Variants in MYCBP2 observed in about 807,000 individuals in gnomAD.
MYCBP2 encodes MYC binding protein 2.
In MYCBP2, 120 loss-of-function variants were observed where a neutral mutation model predicts 525.3. The ratio of observed to expected loss-of-function variants is 0.23; its 90% CI spans 0.20 to 0.27. The LOEUF (loss-of-function observed/expected upper bound fraction) is 0.27. Ranked by LOEUF, MYCBP2 falls within the 10% of genes least tolerant of loss-of-function variation. MYCBP2 has a pLI of 1.00. For synonymous variants in MYCBP2, 1,894 were observed against 1,955.8 expected, an observed-to-expected ratio of 0.97 and a Z score of 0.83; for missense variants, 4,149 against 5,657.1, an observed-to-expected ratio of 0.73 and a Z score of 8.55.
At chr13:77,174,267 C>A (rs976484360) in intron 37 of MYCBP2, 44 bp downstream of exon 37, 2 of 1,593,636 alleles carry the variant, frequency 1.3e-6, no homozygotes, top group South Asian at 1.1e-5. Flanking sequence ...TGTGTATGTT[C>A]TACCACTGTA....
chr13:77,060,887 G>A (rs925463976), intron 76 of MYCBP2, among the ~76,000 whole-genome samples: 11 of 152,180 alleles, frequency 7.2e-5, no homozygotes, highest in African/African-American at 2.2e-4. Context: ...AGCCCCATTA[G>A]TTGTGATCCT....
At chr13:77,192,112 C>A (rs1251036735) in intron 27 of MYCBP2, among the ~76,000 whole-genome samples, 3 of 152,192 alleles carry the variant, frequency 2.0e-5, no homozygotes, top group African/African-American at 7.2e-5. Context: ...AAAAAACATT[C>A]AAATTTTGCT....
intron 18 of MYCBP2, among the ~76,000 whole-genome samples, chr13:77,228,526 G>C (rs1436429287): frequency 1.3e-5 from 2 of 150,942 alleles, no homozygotes; most frequent in African/African-American, 2.4e-5. Flanking sequence ...AAAAAAATCT[G>C]TTCAAGCTCA....
At chr13:77,249,134 T>G (rs2070659988) in intron 15 of MYCBP2, among the ~76,000 whole-genome samples, 1 of 152,198 alleles carries the variant, frequency 6.6e-6, no homozygotes, top group Admixed American at 6.5e-5. Context: ...GAGGAGTCAT[T>G]GTTTAACAGT....
At chr13:77,050,411 A>G (rs1361047994) in intron 82 of MYCBP2, among the ~76,000 whole-genome samples, 1 of 152,154 alleles carries the variant, frequency 6.6e-6, no homozygotes, top group Non-Finnish European at 1.5e-5. Context: ...CACTTCCGTG[A>G]AGCCTGGTAT....
At position 77,196,736 on chromosome 13, in the gene MYCBP2, C is replaced by T. The variant is rs180944043; in HGVS notation, c.3844-2492G>A. Among the ~76,000 whole-genome samples, 23 of 152,104 alleles carry T rather than the reference C, an allele frequency of 1.5e-4. No individual in the cohort carries two copies. In the East Asian group the frequency reaches 3.1e-3, roughly 21 times the overall value. On this transcript the variant is annotated intron_variant, in intron 26 of 82. Transcript: ENST00000544440. ...AGGATAGCAGGTTTAGGCAGATCAT[C>T]AGAAGCATAGTATTGAATATGTTAC...
At chr13:77,238,242 CAAAAAAAAAAA>C (rs772175406) in intron 17 of MYCBP2, among the ~76,000 whole-genome samples, 1 of 28,310 alleles carries the variant, frequency 3.5e-5, no homozygotes, top group Non-Finnish European at 8.7e-5. Flanking sequence ...GACTCCGTCT[CAAAAAAAAAAA>C]AAAAAAAAAA....
chr13:77,149,911 G>A (rs988204194), intron 47 of MYCBP2, among the ~76,000 whole-genome samples: 2 of 152,086 alleles, frequency 1.3e-5, no homozygotes, highest in African/African-American at 4.8e-5. Flanking sequence ...ACCAAGTCAT[G>A]TTTCTTGATC....
chr13:77,244,741 G>T (rs1216033674), intron 15 of MYCBP2, among the ~76,000 whole-genome samples: 2 of 151,990 alleles, frequency 1.3e-5, no homozygotes, highest in Non-Finnish European at 2.9e-5. Flanking sequence ...CTACAGAATG[G>T]GAGAAAATTT....
At chr13:77,205,914 T>C (rs1404924155) in intron 24 of MYCBP2, among the ~76,000 whole-genome samples, 1 of 152,160 alleles carries the variant, frequency 6.6e-6, no homozygotes, top group East Asian at 1.9e-4. Flanking sequence ...ATTCTTAAAG[T>C]GCTATTTGAG....
intron 7 of MYCBP2, 52 bp downstream of exon 7, chr13:77,269,940 C>T: frequency 7.6e-7 from 1 of 1,320,368 alleles, no homozygotes; most frequent in South Asian, 1.3e-5. Context: ...AAGGACAAAT[C>T]ACATGTTGTA....
intron 23 of MYCBP2, among the ~76,000 whole-genome samples, chr13:77,209,007 A>C (rs1313963171): frequency 1.3e-5 from 2 of 152,214 alleles, no homozygotes; most frequent in African/African-American, 4.8e-5. Flanking sequence ...TAATTATAAA[A>C]TTTAAGTGCC....
At chr13:77,197,967 T>C (rs2061937996) in intron 26 of MYCBP2, among the ~76,000 whole-genome samples, 2 of 152,172 alleles carry the variant, frequency 1.3e-5, no homozygotes, top group African/African-American at 4.8e-5. Context: ...TAATTCTATA[T>C]ACTACAGTGT....
chr13:77,222,772 C>G (rs944112912), intron 20 of MYCBP2, among the ~76,000 whole-genome samples: 2 of 152,120 alleles, frequency 1.3e-5, no homozygotes, highest in East Asian at 3.8e-4. Flanking sequence ...TAATCTTTAC[C>G]ATGTAAATGG....
intron 52 of MYCBP2, 114 bp from the exon 53 acceptor site, chr13:77,126,656 A>C (rs2275562): frequency 0.025 from 16,895 of 688,878 alleles, 314 homozygotes; most frequent in Middle Eastern, 0.056. Flanking sequence ...TATAAAAAAA[A>C]CACATAACTA....
chr13:77,076,675 C>A, intron 68 of MYCBP2, 76 bp downstream of exon 68: 1 of 843,526 alleles, frequency 1.2e-6, no homozygotes, highest in Non-Finnish European at 1.8e-6. Flanking sequence ...TCAAAATATA[C>A]AGCAATAAAT....
chr13:77,129,275 GA>G, intron 52 of MYCBP2: 1 of 396,790 alleles, frequency 2.5e-6, no homozygotes, highest in East Asian at 3.6e-5. Context: ...CAAAGAAAGG[GA>G]ACAGGATATC....
chr13:77,146,036 T>C (rs1216047323), intron 48 of MYCBP2, 126 bp downstream of exon 48: 1 of 573,196 alleles, frequency 1.7e-6, no homozygotes, highest in Non-Finnish European at 3.0e-6. Context: ...GACATCTCTA[T>C]CGGCAACCTA....
chr13:77,095,557 C>T lies in MYCBP2; in HGVS notation c.10000G>A (p.Ala3334Thr). The T allele has an allele frequency of 6.2e-7, 1 of 1,613,474 alleles. No individual in the cohort carries two copies. Among genetic ancestry groups the T allele is most frequent in the East Asian group, 2.2e-5 (1 of 44,860 alleles). The stretch of plus-strand genomic sequence containing the variant: ...TGGTGAGCTTCCATGGTGGGCAAGG[C>T]ACGAGGGGTCTTGACTTGCATTGGT... ...RKPMQVKTPR[A>T]LPTMEAHQVI... is the part of the protein sequence containing the mutation. Residue 3334 changes from alanine (A) to threonine (T), a missense_variant, in exon 58 of 83, where the codon GCC becomes ACC. Coordinates refer to ENST00000544440, the MANE Select transcript of MYCBP2 (RefSeq NM_015057.5).
Sources: gnomAD v4.1 joint callset for allele counts (sites outside exome capture counted in the v4.1 genomes callset) on GRCh38, gnomAD v4.1.1 for gene constraint, MANE v1.5 for transcripts, NCBI Gene and HGNC (gene_info 2026-07-23, HGNC 2026-07-21) for gene names.